FBXO25: variants seen among roughly 807,000 people sequenced by gnomAD.
The protein encoded by FBXO25 is F-box only protein 25.
A neutral mutation model predicts 51.9 loss-of-function variants in FBXO25; 45 were observed. The observed-to-expected ratio is 0.87, with a 90% CI of 0.68 to 1.11. The LOEUF (loss-of-function observed/expected upper bound fraction) is 1.11. Among genes scored for constraint, FBXO25 ranks in the 50% most tolerant of loss-of-function variants. FBXO25 has a pLI of 0.00. For missense variants in FBXO25, 507 were observed against 428.5 expected (o/e 1.18, Z -1.62); for synonymous variants, 199 against 151.0 (o/e 1.32, Z -2.33).
chr8:422,108 C>T (rs1797190636), intron 2 of FBXO25, among the ~76,000 whole-genome samples: 1 of 152,156 alleles, frequency 6.6e-6, no homozygotes, highest in Non-Finnish European at 1.5e-5. Flanking sequence ...AAGGTGAAAT[C>T]TAACAGGTAA....
rs914946489 is a variant in FBXO25 at position 477,690 on chromosome 8, A to G, written c.*8886A>G. The stretch of plus-strand genomic sequence containing the variant: ...TGGGGCTCTCTTGCCACTTGGCAGT[A>G]GTGGCATGAAGCCGCCACCAGGGGG... On this transcript the variant is annotated 3_prime_UTR_variant, in exon 10 of 10. Transcript: ENST00000350302. 2.7e-5 allele frequency: 4 copies of G among 149,290 alleles called. No individual in the cohort carries two copies. Among genetic ancestry groups the G allele is most frequent in the African/African-American group, 1.0e-4 (4 of 38,610 alleles). The allele number at this position is 149,290 out of a possible 1,614,324, so 9.2% of individuals were successfully genotyped here.
At chr8:467,153 G>A (rs2116854699) in intron 9 of FBXO25, among the ~76,000 whole-genome samples, 1 of 152,290 alleles carries the variant, frequency 6.6e-6, no homozygotes, top group South Asian at 2.1e-4. Context: ...GAACCAGCGG[G>A]GGAGAACAGC....
At position 473,795 on chromosome 8, in the gene FBXO25, C is replaced by T. The variant is rs1233547281; in HGVS notation, c.*4991C>T. On this transcript the variant is annotated 3_prime_UTR_variant, in exon 10 of 10. Coordinates refer to ENST00000350302, the MANE Select transcript of FBXO25 (RefSeq NM_183420.2). ...GGACATCTGTGTCAAATAGAAGAGACACCTCAACTGTCTCGTTTTTGCATG... is the reference window on the plus strand; with the variant it reads ...GGACATCTGTGTCAAATAGAAGAGATACCTCAACTGTCTCGTTTTTGCATG... The T allele has an allele frequency of 6.6e-6, 1 of 152,148 alleles. No individual in the cohort carries two copies. The highest frequency in any genetic ancestry group is 2.4e-5 in the African/African-American group (1 of 41,438). 9.4% of individuals were successfully genotyped at this position (152,148 alleles called of 1,614,324 possible).
intron 9 of FBXO25, among the ~76,000 whole-genome samples, chr8:465,835 A>G (rs1800120228): frequency 6.6e-6 from 1 of 152,160 alleles, no homozygotes; most frequent in African/African-American, 2.4e-5. Context: ...ATGCTGCCTT[A>G]GTTTCCTGAA....
chr8:427,853 G>A (rs1360930527), intron 2 of FBXO25, among the ~76,000 whole-genome samples: 1 of 151,486 alleles, frequency 6.6e-6, no homozygotes, highest in Non-Finnish European at 1.5e-5. Context: ...ACCGTAGCCT[G>A]TCTTATTTTC....
intron 2 of FBXO25, among the ~76,000 whole-genome samples, chr8:425,781 C>A (rs911323488): frequency 6.6e-6 from 1 of 151,792 alleles, no homozygotes; most frequent in Non-Finnish European, 1.5e-5. Flanking sequence ...AGACTGTTTT[C>A]CATTTAATAG....
At chr8:446,844 G>A (rs1278145543) in intron 5 of FBXO25, among the ~76,000 whole-genome samples, 1 of 152,120 alleles carries the variant, frequency 6.6e-6, no homozygotes, top group Non-Finnish European at 1.5e-5. Context: ...CATTTATAAT[G>A]TTATTTGTGG....
At position 474,342 on chromosome 8, in the gene FBXO25, TGAG is replaced by T. The variant is rs1221223588; in HGVS notation, c.*5541_*5543del. On this transcript the variant is annotated 3_prime_UTR_variant, in exon 10 of 10. Transcript: ENST00000350302. ...ACATTTTGTTTGTGTACTCATCTGT[TGAG>T]GACACTTGAGTTGCTTCCACCTTTT... 2 of 245,788 alleles carry T rather than the reference TGAG, an allele frequency of 8.1e-6. No individual in the cohort carries two copies. Among genetic ancestry groups the T allele is most frequent in the South Asian group, 5.2e-5 (1 of 19,160 alleles). The allele number at this position is 245,788 out of a possible 1,614,324, so 15.2% of individuals were successfully genotyped here.
intron 5 of FBXO25, among the ~76,000 whole-genome samples, chr8:437,065 T>A (rs1320334874): frequency 6.6e-6 from 1 of 150,784 alleles, no homozygotes; most frequent in African/African-American, 2.4e-5. Flanking sequence ...ACTGCATAAT[T>A]TTTTTTTTGT....
chr8:435,561 T>C (rs1329924876), intron 4 of FBXO25, 54 bp from the exon 5 acceptor site: 1 of 1,580,114 alleles, frequency 6.3e-7, no homozygotes, highest in African/African-American at 1.4e-5. Context: ...TGACATTAAC[T>C]GCCAATTCTT....
chr8:455,496 G>A (rs528904013), intron 7 of FBXO25, among the ~76,000 whole-genome samples: 8 of 152,316 alleles, frequency 5.3e-5, no homozygotes, highest in Admixed American at 2.6e-4. Context: ...AGAGCAGTTG[G>A]GAACACGGAC....
At chr8:466,670 C>T (rs1431938913) in intron 9 of FBXO25, among the ~76,000 whole-genome samples, 1 of 152,222 alleles carries the variant, frequency 6.6e-6, no homozygotes, top group Non-Finnish European at 1.5e-5. Flanking sequence ...AAGCTTGGAG[C>T]TCTCCAGTCA....
chr8:454,762 G>A (rs868339259), intron 7 of FBXO25, among the ~76,000 whole-genome samples: 5 of 152,030 alleles, frequency 3.3e-5, no homozygotes, highest in African/African-American at 7.2e-5. Flanking sequence ...GTGGTGGGAC[G>A]TGCCTGTGGT....
Position 477,595 on chromosome 8 carries a change from G to A in FBXO25, c.*8791G>A, listed in dbSNP as rs560477497. On this transcript the variant is annotated 3_prime_UTR_variant, in exon 10 of 10. Transcript: ENST00000350302. ...ATTGGCCGGGAATTTGAGGCTGCAA[G>A]GATAGGTACACACAGGGGAGTGAAG... The A allele has an allele frequency of 6.6e-6, 1 of 152,278 alleles. No homozygotes were observed. The highest frequency in any genetic ancestry group is 1.5e-5 in the Non-Finnish European group (1 of 68,048). The allele number at this position is 152,278 out of a possible 1,614,324, so 9.4% of individuals were successfully genotyped here.
At chr8:419,899 G>T (rs1227918709) in intron 2 of FBXO25, among the ~76,000 whole-genome samples, 2 of 151,990 alleles carry the variant, frequency 1.3e-5, no homozygotes, top group Non-Finnish European at 2.9e-5. Context: ...GAATAATAAA[G>T]AACACTTAAA....
chr8:470,933 C>T lies in FBXO25; in HGVS notation c.*2129C>T, dbSNP rs1266275409. 3.3e-5 allele frequency: 5 copies of T among 152,188 alleles called. No individual in the cohort carries two copies. The highest frequency in any genetic ancestry group is 1.9e-4 in the East Asian group (1 of 5,182). The allele number at this position is 152,188 out of a possible 1,614,324, so 9.4% of individuals were successfully genotyped here. A position where few individuals can be genotyped will look rare whatever the true frequency, so the allele number is the denominator to read the frequency against. ...CAGTCTTTTTTCATGTTAGTTTCTT[C>T]TTAAAAGGAAACTATCCTTTTGAAG... is the stretch of plus-strand genomic sequence containing the variant. On this transcript the variant is annotated 3_prime_UTR_variant, in exon 10 of 10. Coordinates refer to ENST00000350302, the MANE Select transcript of FBXO25 (RefSeq NM_183420.2).
rs758364683 is a variant in FBXO25 at position 464,876 on chromosome 8, G to C, written c.987+1726G>C. Among the ~76,000 whole-genome samples the C allele has an allele frequency of 1.1e-4, 16 of 152,270 alleles. 1 individual carries two copies. Among genetic ancestry groups the C allele is most frequent in the South Asian group, 8.3e-4 (4 of 4,826 alleles). On this transcript the variant is annotated intron_variant, in intron 9 of 9. Coordinates refer to ENST00000350302, the MANE Select transcript of FBXO25 (RefSeq NM_183420.2). ...CTTTCCTGAAATTAAAAAGATGCAA[G>C]TTGTGTTATGTGTTTTTGCAGTAGT... is the stretch of plus-strand genomic sequence containing the variant.
intron 2 of FBXO25, among the ~76,000 whole-genome samples, chr8:427,786 C>T (rs1173929136): frequency 6.6e-6 from 1 of 150,450 alleles, no homozygotes; most frequent in Non-Finnish European, 1.5e-5. Flanking sequence ...ACATATTTTA[C>T]AGCAATATAG....
chr8:432,754 C>T (rs568042184), intron 3 of FBXO25, 132 bp from the exon 4 acceptor site: 30 of 1,172,146 alleles, frequency 2.6e-5, no homozygotes, highest in East Asian at 1.2e-4. Flanking sequence ...CATTCACCCA[C>T]GTAAAAGCAT....
Sources: allele counts gnomAD v4.1 joint callset (sites outside exome capture counted in the v4.1 genomes callset), GRCh38; gene constraint gnomAD v4.1.1; transcripts MANE v1.5; gene names NCBI Gene and HGNC (gene_info 2026-07-23, HGNC 2026-07-21).